The following SESTD1 variants were observed in gnomAD, a reference collection of about 807,000 sequenced individuals.
SESTD1 encodes SEC14 and spectrin domain containing 1.
In SESTD1, 43 loss-of-function variants were observed where a neutral mutation model predicts 101.7. The observed-to-expected ratio is 0.42, with a 90% confidence interval of 0.33 to 0.55. SESTD1 has a LOEUF of 0.55. Ranked by LOEUF, SESTD1 falls within the 20% of genes least tolerant of loss-of-function variation. The probability of loss-of-function intolerance (pLI) is 0.07; values close to 1 mark genes in which losing one functional copy is unlikely to be tolerated. For missense variants in SESTD1, 647 were observed against 815.1 expected (o/e 0.79, Z 2.51); for synonymous variants, 283 against 286.8 (o/e 0.99, Z 0.13).
At chr2:179,261,392 C>A (rs1365999390) in intron 1 of SESTD1, among the ~76,000 whole-genome samples, 1 of 152,082 alleles carries the variant, frequency 6.6e-6, no homozygotes, top group Non-Finnish European at 1.5e-5. Flanking sequence ...AGTTTACACT[C>A]AGACCTTGCC....
At position 179,186,684 on chromosome 2, in the gene SESTD1, ATTTTTTT is replaced by A. The variant is rs35153936; in HGVS notation, c.56-3503_56-3497del. On this transcript the variant is annotated intron_variant, in intron 2 of 17. Transcript: ENST00000428443. ...TATCAGAAGACTGTATTTTCAGGGA[ATTTTTTT>A]TTTTTTTTTTTTTTGAGACGGAGTC... is the stretch of plus-strand genomic sequence containing the variant. Among the ~76,000 whole-genome samples, 5 of 118,648 alleles carry A rather than the reference ATTTTTTT, an allele frequency of 4.2e-5. No homozygotes were observed. In the East Asian group the frequency reaches 7.7e-4, roughly 18 times the overall value. 77.8% of individuals were successfully genotyped at this position (118,648 alleles called of 152,430 possible).
At chr2:179,192,915 T>C (rs1171472919) in intron 1 of SESTD1, among the ~76,000 whole-genome samples, 1 of 152,224 alleles carries the variant, frequency 6.6e-6, no homozygotes, top group African/African-American at 2.4e-5. Flanking sequence ...TTCCTTGAAG[T>C]ACACTGTGAA....
chr2:179,167,752 TATTTA>T (rs1466359259), intron 5 of SESTD1, among the ~76,000 whole-genome samples: 2 of 152,142 alleles, frequency 1.3e-5, no homozygotes, highest in African/African-American at 4.8e-5. Context: ...CTTTTAATTT[TATTTA>T]ATTTTTACTT....
At chr2:179,195,206 G>A (rs1330878822) in intron 1 of SESTD1, among the ~76,000 whole-genome samples, 1 of 152,236 alleles carries the variant, frequency 6.6e-6, no homozygotes, top group African/African-American at 2.4e-5. Context: ...TTTTGAGGAA[G>A]AGAATTGTAA....
chr2:179,212,367 T>A lies in SESTD1; in HGVS notation c.-25-20501A>T, dbSNP rs977380889. ...TCTCTCCTATGCCTGGTTCAGCAGGTCCCATGCCCACGGAGCTTGCTCACT... is the reference window on the plus strand; with the variant it reads ...TCTCTCCTATGCCTGGTTCAGCAGGACCCATGCCCACGGAGCTTGCTCACT... On this transcript the variant is annotated intron_variant, in intron 1 of 17. Coordinates refer to ENST00000428443, the MANE Select transcript of SESTD1 (RefSeq NM_178123.5). Among the ~76,000 whole-genome samples the A allele has an allele frequency of 2.2e-5, 3 of 136,450 alleles. 1 individual carries two copies. Among genetic ancestry groups the A allele is most frequent in the African/African-American group, 8.6e-5 (3 of 34,794 alleles). The allele number at this position is 136,450 out of a possible 152,430, so 89.5% of individuals were successfully genotyped here.
chr2:179,233,529 C>T (rs535197431), intron 1 of SESTD1, among the ~76,000 whole-genome samples: 3 of 152,140 alleles, frequency 2.0e-5, no homozygotes, highest in Non-Finnish European at 4.4e-5. Context: ...TCTCAGCTCA[C>T]GGCAACCTCT....
At chr2:179,125,226 C>T (rs2044844617) in intron 10 of SESTD1, among the ~76,000 whole-genome samples, 1 of 152,168 alleles carries the variant, frequency 6.6e-6, no homozygotes. Flanking sequence ...TTTCTGACCA[C>T]CTATTGACTC....
intron 11 of SESTD1, 46 bp downstream of exon 11, chr2:179,124,318 G>T (rs1210450254): frequency 6.4e-7 from 1 of 1,564,444 alleles, no homozygotes; most frequent in African/African-American, 1.4e-5. Context: ...GTAGGTAAGT[G>T]TTCAGATAAT....
At chr2:179,157,964 T>C (rs184641825) in intron 5 of SESTD1, among the ~76,000 whole-genome samples, 15 of 152,262 alleles carry the variant, frequency 9.9e-5, no homozygotes, top group Non-Finnish European at 1.3e-4. Flanking sequence ...ATGGCTGCTT[T>C]TGTCATAACA....
intron 12 of SESTD1, 94 bp downstream of exon 12, chr2:179,123,621 T>TA: frequency 1.4e-6 from 1 of 731,346 alleles, no homozygotes; most frequent in Non-Finnish European, 2.3e-6. Context: ...TAATACTAAT[T>TA]AGTTCAGTGT....
At chr2:179,202,074 A>T (rs1417929806) in intron 1 of SESTD1, among the ~76,000 whole-genome samples, 1 of 133,074 alleles carries the variant, frequency 7.5e-6, no homozygotes, top group African/African-American at 3.0e-5. Flanking sequence ...TATGTGATTA[A>T]GTTGGTTATA....
At chr2:179,122,063 G>C in intron 12 of SESTD1, 134 bp from the exon 13 acceptor site, 4 of 650,182 alleles carry the variant, frequency 6.2e-6, no homozygotes, top group Non-Finnish European at 9.2e-6. Context: ...CCTTGGGATG[G>C]AATCCCAAGA....
chr2:179,209,644 A>C lies in SESTD1; in HGVS notation c.-25-17778T>G, dbSNP rs189734793. Among the ~76,000 whole-genome samples the C allele has an allele frequency of 1.6e-4, 21 of 135,048 alleles. 5 individuals carry two copies. The highest frequency in any genetic ancestry group is 5.0e-4 in the Admixed American group (7 of 13,918). The allele number at this position is 135,048 out of a possible 152,430, so 88.6% of individuals were successfully genotyped here. ...GGGCAACAATAAAATCAAGATAGAA[A>C]AAATTTCTTTGAACTGAACAATAAT... On this transcript the variant is annotated intron_variant, in intron 1 of 17. Transcript: ENST00000428443.
chr2:179,172,583 A>AT (rs1279489814), intron 4 of SESTD1, among the ~76,000 whole-genome samples: 10 of 152,090 alleles, frequency 6.6e-5, no homozygotes, highest in Non-Finnish European at 1.3e-4. Context: ...AGTATGAAAA[A>AT]TTTTTTCTAA....
At position 179,171,221 on chromosome 2, in the gene SESTD1, T is replaced by C. The variant is rs968774567; in HGVS notation, c.369+899A>G. On this transcript the variant is annotated intron_variant, in intron 5 of 17. Coordinates refer to ENST00000428443, the MANE Select transcript of SESTD1 (RefSeq NM_178123.5). ...AATTAATTTCACTGCACGTAAATTATAGCTTAATTTTTTTAAGTAAAGAAT... is the reference window on the plus strand; with the variant it reads ...AATTAATTTCACTGCACGTAAATTACAGCTTAATTTTTTTAAGTAAAGAAT... Among the ~76,000 whole-genome samples the C allele has an allele frequency of 6.6e-5, 10 of 152,326 alleles. No homozygotes were observed. The South Asian group carries it at 1.9e-3, about 28-fold the overall frequency.
At chr2:179,243,959 T>TACAC (rs1287706588) in intron 1 of SESTD1, among the ~76,000 whole-genome samples, 2 of 147,908 alleles carry the variant, frequency 1.4e-5, no homozygotes, top group South Asian at 4.3e-4. Flanking sequence ...TATATATATA[T>TACAC]ATACACACAC....
At chr2:179,237,057 A>C (rs1219339177) in intron 1 of SESTD1, among the ~76,000 whole-genome samples, 2 of 147,334 alleles carry the variant, frequency 1.4e-5, no homozygotes, top group Non-Finnish European at 3.1e-5. Context: ...TATCAGAAAA[A>C]TGTTTAAAAG....
chr2:179,116,581 T>C (rs1559096855), intron 15 of SESTD1, 87 bp downstream of exon 15: 2 of 1,586,464 alleles, frequency 1.3e-6, no homozygotes, highest in East Asian at 2.2e-5. Context: ...AACCTTCTTG[T>C]ACTTGGAAGG....
chr2:179,244,417 C>A (rs2047200636), intron 1 of SESTD1, among the ~76,000 whole-genome samples: 1 of 151,896 alleles, frequency 6.6e-6, no homozygotes, highest in Admixed American at 6.6e-5. Flanking sequence ...CGAGATCACA[C>A]CACTGCACTA....
Sources: allele counts gnomAD v4.1 joint callset (sites outside exome capture counted in the v4.1 genomes callset), GRCh38; gene constraint gnomAD v4.1.1; transcripts MANE v1.5; gene names NCBI Gene and HGNC (gene_info 2026-07-23, HGNC 2026-07-21).